The following CNTNAP2 variants were observed in gnomAD, a reference collection of about 807,000 sequenced individuals.
CNTNAP2 encodes contactin associated protein 2.
A neutral mutation model predicts 155.2 loss-of-function variants in CNTNAP2; 98 were observed. That is an observed-to-expected ratio of 0.63 (90% CI 0.54 to 0.75). CNTNAP2 has a LOEUF of 0.75. Among genes scored for constraint, CNTNAP2 ranks in the 30% least tolerant of loss-of-function variants. The probability of loss-of-function intolerance (pLI) is 0.00; values close to 1 mark genes in which losing one functional copy is unlikely to be tolerated. For synonymous variants in CNTNAP2, 651 were observed against 631.2 expected (o/e 1.03, Z -0.47); for missense variants, 1,727 against 1,688.1 (o/e 1.02, Z -0.40).
intron 3 of CNTNAP2, among the ~76,000 whole-genome samples, chr7:146,921,447 C>A (rs771647907): frequency 6.6e-6 from 1 of 152,008 alleles, no homozygotes. Flanking sequence ...TGTATTAGTT[C>A]TCATGCGGCT....
chr7:148,046,402 G>A (rs1357953979), intron 15 of CNTNAP2, among the ~76,000 whole-genome samples: 4 of 152,252 alleles, frequency 2.6e-5, no homozygotes, highest in Non-Finnish European at 5.9e-5. Flanking sequence ...TTAATTGAGT[G>A]TAGACAATTT....
intron 4 of CNTNAP2, among the ~76,000 whole-genome samples, chr7:147,101,585 A>T (rs1306187042): frequency 6.6e-6 from 1 of 152,076 alleles, no homozygotes; most frequent in Non-Finnish European, 1.5e-5. Flanking sequence ...GGTCACATGG[A>T]CTTGAAGGAT....
intron 5 of CNTNAP2, among the ~76,000 whole-genome samples, chr7:147,109,504 G>T (rs141086239): frequency 1.1e-4 from 16 of 152,246 alleles, no homozygotes; most frequent in African/African-American, 3.4e-4. Flanking sequence ...TGATATATGA[G>T]ACTGAGAGAG....
chr7:147,802,299 G>A (rs1430324833), intron 13 of CNTNAP2, among the ~76,000 whole-genome samples: 1 of 148,770 alleles, frequency 6.7e-6, no homozygotes, highest in Non-Finnish European at 1.5e-5. Context: ...AGACTGGGCA[G>A]CCAGGCAGAG....
At chr7:146,671,077 G>C (rs950907713) in intron 1 of CNTNAP2, among the ~76,000 whole-genome samples, 3 of 152,144 alleles carry the variant, frequency 2.0e-5, no homozygotes, top group Non-Finnish European at 2.9e-5. Context: ...GCTTATCTCA[G>C]AGTTAGAAAA....
intron 18 of CNTNAP2, 72 bp from the exon 19 acceptor site, chr7:148,217,216 T>TG (rs1795655620): frequency 1.4e-6 from 2 of 1,471,406 alleles, no homozygotes; most frequent in African/African-American, 2.8e-5. Context: ...CATGAACTGC[T>TG]GGAGAGGTCA....
At chr7:146,171,245 T>A (rs1389695202) in intron 1 of CNTNAP2, among the ~76,000 whole-genome samples, 1 of 152,096 alleles carries the variant, frequency 6.6e-6, no homozygotes, top group African/African-American at 2.4e-5. Flanking sequence ...AAGAACTAAG[T>A]AGAAAAAAAT....
At chr7:147,096,758 T>C (rs140518835) in intron 4 of CNTNAP2, among the ~76,000 whole-genome samples, 1,734 of 152,312 alleles carry the variant, frequency 0.011, 20 homozygotes, top group Non-Finnish European at 0.017. Context: ...CTCTTCTTCA[T>C]GGCCCCAGTG....
intron 16 of CNTNAP2, among the ~76,000 whole-genome samples, chr7:148,139,867 T>C (rs547573272): frequency 1.9e-4 from 29 of 152,254 alleles, no homozygotes; most frequent in Non-Finnish European, 3.4e-4. Flanking sequence ...GCTGATGTGA[T>C]TGTTTCTGTT....
chr7:146,741,114 T>C (rs1801708689), intron 1 of CNTNAP2, among the ~76,000 whole-genome samples: 1 of 152,118 alleles, frequency 6.6e-6, no homozygotes, highest in Non-Finnish European at 1.5e-5. Context: ...CTTTCCATAC[T>C]GTGCTGCCTG....
chr7:146,963,497 T>C lies in CNTNAP2; in HGVS notation c.403-80410T>C, dbSNP rs541978987. ...AAGTGTCATGGTTTAGTTTTTGCCT[T>C]ACTCATTTTTAATATATCTCATTTA... On this transcript the variant is annotated intron_variant, in intron 3 of 23. Coordinates refer to ENST00000361727, the MANE Select transcript of CNTNAP2 (RefSeq NM_014141.6). Among the ~76,000 whole-genome samples the C allele has an allele frequency of 5.9e-5, 9 of 152,292 alleles. No homozygotes were observed. In the South Asian group the frequency reaches 1.9e-3, roughly 32 times the overall value.
chr7:147,158,553 C>T (rs1040996040), intron 8 of CNTNAP2, among the ~76,000 whole-genome samples: 1 of 152,076 alleles, frequency 6.6e-6, no homozygotes, highest in South Asian at 2.1e-4. Context: ...GCACAATTAA[C>T]CTGTTCATTA....
chr7:146,943,457 A>C (rs1797096669), intron 3 of CNTNAP2, among the ~76,000 whole-genome samples: 1 of 152,196 alleles, frequency 6.6e-6, no homozygotes, highest in African/African-American at 2.4e-5. Flanking sequence ...ATGCCACTGC[A>C]CTCCAGCCTG....
chr7:146,445,834 G>T (rs911329735), intron 1 of CNTNAP2, among the ~76,000 whole-genome samples: 17 of 152,098 alleles, frequency 1.1e-4, no homozygotes, highest in Non-Finnish European at 2.2e-4. Flanking sequence ...TCTTATAAAT[G>T]CTAGGTTAAC....
intron 1 of CNTNAP2, among the ~76,000 whole-genome samples, chr7:146,494,026 T>TA (rs1797176680): frequency 6.6e-6 from 1 of 151,942 alleles, no homozygotes; most frequent in Admixed American, 6.6e-5. Context: ...TTGAAGTAAA[T>TA]AAAAAATTTA....
chr7:146,910,529 A>C (rs1331389958), intron 3 of CNTNAP2, among the ~76,000 whole-genome samples: 6 of 151,432 alleles, frequency 4.0e-5, no homozygotes, highest in Middle Eastern at 3.4e-3. Flanking sequence ...ATCTTTGACA[A>C]ACCTGAGAAA....
chr7:147,451,007 C>T (rs1182992348), intron 10 of CNTNAP2, among the ~76,000 whole-genome samples: 1 of 152,198 alleles, frequency 6.6e-6, no homozygotes, highest in Non-Finnish European at 1.5e-5. Flanking sequence ...TTGACCAGGC[C>T]ATGCAGAGCT....
intron 14 of CNTNAP2, among the ~76,000 whole-genome samples, chr7:147,907,498 A>G (rs1799983851): frequency 6.6e-6 from 1 of 152,150 alleles, no homozygotes; most frequent in Non-Finnish European, 1.5e-5. Context: ...TGCTTTAGAT[A>G]TTTGGGAGTG....
chr7:147,876,137 C>G (rs538543118), intron 13 of CNTNAP2, among the ~76,000 whole-genome samples: 2 of 152,150 alleles, frequency 1.3e-5, no homozygotes, highest in Non-Finnish European at 2.9e-5. Flanking sequence ...ACACTCTGCC[C>G]CGTGCTTTCC....
Sources: allele counts gnomAD v4.1 joint callset (sites outside exome capture counted in the v4.1 genomes callset), GRCh38; gene constraint gnomAD v4.1.1; transcripts MANE v1.5; gene names NCBI Gene and HGNC (gene_info 2026-07-23, HGNC 2026-07-21).